The following ASAH2 variants were observed in gnomAD, a reference collection of about 807,000 sequenced individuals.
The protein encoded by ASAH2 is N-acylsphingosine amidohydrolase 2.
A neutral mutation model predicts 82.9 loss-of-function variants in ASAH2; 58 were observed. The observed-to-expected ratio is 0.70, with a 90% confidence interval of 0.57 to 0.87. The LOEUF (loss-of-function observed/expected upper bound fraction) is 0.87, where lower values mean the gene tolerates loss of function less well. Ranked by LOEUF, ASAH2 falls within the 40% of genes least tolerant of loss-of-function variation. The probability of loss-of-function intolerance (pLI) is 0.00; values close to 1 mark genes in which losing one functional copy is unlikely to be tolerated. For missense variants in ASAH2, 779 were observed against 834.0 expected (o/e 0.93, Z 0.81); for synonymous variants, 276 against 289.7 (o/e 0.95, Z 0.48).
chr10:50,238,910 C>G (rs895648547), intron 4 of ASAH2, among the ~76,000 whole-genome samples: 51,111 of 151,568 alleles, frequency 0.34, 10,488 homozygotes, highest in Non-Finnish European at 0.45. Flanking sequence ...GGACTTCTAG[C>G]GGGGAGAAAA....
intron 7 of ASAH2, among the ~76,000 whole-genome samples, chr10:50,227,630 A>G (rs1845923062): frequency 6.6e-6 from 1 of 152,166 alleles, no homozygotes; most frequent in Non-Finnish European, 1.5e-5. Context: ...ACTGAAAAAA[A>G]ACTTAGAAAA....
chr10:50,200,605 G>C (rs1209317897), intron 16 of ASAH2, among the ~76,000 whole-genome samples: 3 of 151,944 alleles, frequency 2.0e-5, no homozygotes, highest in Admixed American at 2.0e-4. Flanking sequence ...CCTTGTGCAT[G>C]CCTTTCATGG....
At chr10:50,214,952 C>T (rs1845556318) in intron 8 of ASAH2, 84 bp from the exon 9 acceptor site, 1 of 1,522,026 alleles carries the variant, frequency 6.6e-7, no homozygotes, top group Non-Finnish European at 9.0e-7. Flanking sequence ...ATTAAATCCA[C>T]TCTGGCAAAC....
chr10:50,223,207 T>G (rs1845792575), intron 7 of ASAH2, among the ~76,000 whole-genome samples: 2 of 150,970 alleles, frequency 1.3e-5, no homozygotes, highest in South Asian at 4.2e-4. Flanking sequence ...AACACTACAA[T>G]TTTTTTTTCC....
intron 17 of ASAH2, among the ~76,000 whole-genome samples, chr10:50,198,580 T>G (rs1845053743): frequency 6.6e-6 from 1 of 151,684 alleles, no homozygotes. Context: ...TTCCAAGATA[T>G]TATAATGTGG....
intron 4 of ASAH2, among the ~76,000 whole-genome samples, chr10:50,242,794 A>G (rs766125217): frequency 1.2e-4 from 19 of 152,320 alleles, no homozygotes; most frequent in Non-Finnish European, 2.5e-4. Context: ...TTGCGTTTTA[A>G]TTCGCATCCG....
In ASAH2 at chr10:50,211,120, A is replaced by G; in HGVS notation, c.1242T>C (p.Ser414=). The change falls in exon 11 of 21, where the codon TCT becomes TCC. Residue 414 remains serine (S), a synonymous_variant. Transcript: ENST00000682911. ...GTGGTCCTGTTACCTCCTGGGAGGC[A>G]GAGGCATAGAGTTCCTAGAAAACAC... The part of the protein sequence containing the change: ...MYQRAKELYA[S]ASQEVTGPLA... 1 of 1,612,866 alleles carries G rather than the reference A, an allele frequency of 6.2e-7. No individual in the cohort carries two copies. Among genetic ancestry groups the G allele is most frequent in the South Asian group, 1.1e-5 (1 of 91,052 alleles).
Position 50,235,121 on chromosome 10 carries a change from G to A in ASAH2, c.688-569C>T, listed in dbSNP as rs1325065378. Reference sequence around the variant, plus strand: ...ACTATATCTTACAATCTATTTTTTAGCATTTTTTATGTAATGTTTTTTGCA... The same window carrying A: ...ACTATATCTTACAATCTATTTTTTAACATTTTTTATGTAATGTTTTTTGCA... On this transcript the variant is annotated intron_variant, in intron 5 of 20. Transcript: ENST00000682911. 2.0e-5 allele frequency among the ~76,000 whole-genome samples: 3 copies of A among 152,066 alleles called. No homozygotes were observed. In the East Asian group the frequency reaches 5.8e-4, roughly 29 times the overall value.
chr10:50,200,660 C>T (rs1258894297), intron 16 of ASAH2, among the ~76,000 whole-genome samples: 1 of 152,030 alleles, frequency 6.6e-6, no homozygotes, highest in Non-Finnish European at 1.5e-5. Context: ...ACTAGACCCC[C>T]AGCTTCCAGT....
At chr10:50,241,454 T>C (rs1489202783) in intron 4 of ASAH2, among the ~76,000 whole-genome samples, 1 of 152,116 alleles carries the variant, frequency 6.6e-6, no homozygotes, top group Non-Finnish European at 1.5e-5. Flanking sequence ...AATTGTGACA[T>C]ATTTAGTTGT....
Position 50,243,354 on chromosome 10 carries a change from A to C in ASAH2, c.361-3T>G. The C allele has an allele frequency of 6.2e-7, 1 of 1,613,904 alleles. No homozygotes were observed. The highest frequency in any genetic ancestry group is 8.5e-7 in the Non-Finnish European group (1 of 1,179,846). On this transcript the variant is annotated splice_polypyrimidine_tract_variant and splice_region_variant and intron_variant, in intron 3 of 20. Coordinates refer to ENST00000682911, the MANE Select transcript of ASAH2 (RefSeq NM_019893.4). ...TGGCCGGATTTGCCATAGCCCATCTAAAGAGGAAGAGACAATCAGAGCTGC... is the reference window on the plus strand; with the variant it reads ...TGGCCGGATTTGCCATAGCCCATCTCAAGAGGAAGAGACAATCAGAGCTGC...
chr10:50,235,078 CCTGA>C (rs1206052646), intron 5 of ASAH2, among the ~76,000 whole-genome samples: 4 of 152,102 alleles, frequency 2.6e-5, no homozygotes, highest in African/African-American at 4.8e-5. Flanking sequence ...CAAACTATAC[CCTGA>C]CTGTGTGTCA....
At chr10:50,219,448 A>T (rs1263834192) in intron 7 of ASAH2, among the ~76,000 whole-genome samples, 4 of 152,218 alleles carry the variant, frequency 2.6e-5, no homozygotes, top group Non-Finnish European at 5.9e-5. Context: ...CACCGTGTCC[A>T]GTGGCCTTTG....
chr10:50,237,873 A>G (rs1358496370), intron 4 of ASAH2, among the ~76,000 whole-genome samples: 5 of 152,188 alleles, frequency 3.3e-5, no homozygotes, highest in African/African-American at 1.2e-4. Context: ...TGATGTAACT[A>G]TTAGGCATTG....
At chr10:50,197,546 C>A (rs1355855349) in intron 17 of ASAH2, among the ~76,000 whole-genome samples, 2 of 151,924 alleles carry the variant, frequency 1.3e-5, no homozygotes, top group Non-Finnish European at 2.9e-5. Context: ...TTTGCCATTA[C>A]TTTCAATGAA....
intron 8 of ASAH2, among the ~76,000 whole-genome samples, chr10:50,217,883 G>A (rs1845646972): frequency 6.6e-6 from 1 of 152,106 alleles, no homozygotes; most frequent in Admixed American, 6.6e-5. Flanking sequence ...ATAACATTTT[G>A]GGAGGCCGAG....
intron 1 of ASAH2, among the ~76,000 whole-genome samples, 141 bp from the exon 2 acceptor site, chr10:50,248,787 C>T (rs543365358): frequency 1.3e-5 from 2 of 152,338 alleles, no homozygotes; most frequent in East Asian, 1.9e-4. Flanking sequence ...AGACCAAGCC[C>T]ATGGCAGACA....
intron 15 of ASAH2, 52 bp from the exon 16 acceptor site, chr10:50,202,976 T>C (rs1331773396): frequency 1.6e-5 from 18 of 1,156,920 alleles, no homozygotes; most frequent in Non-Finnish European, 2.2e-5. Flanking sequence ...TTTACGTATA[T>C]TTTCATTCTG....
At position 50,218,949 on chromosome 10, in the gene ASAH2, G is replaced by T. The variant is rs1365936130; in HGVS notation, c.894-319C>A. Among the ~76,000 whole-genome samples, 8 of 152,250 alleles carry T rather than the reference G, an allele frequency of 5.3e-5. No homozygotes were observed. The East Asian group carries it at 9.7e-4, about 18-fold the overall frequency. The stretch of plus-strand genomic sequence containing the variant: ...TATATACATGGACTTTGTCCTTCAA[G>T]ATAGGCACACAGGTAGTAATTATTC... On this transcript the variant is annotated intron_variant, in intron 7 of 20. Coordinates refer to ENST00000682911, the MANE Select transcript of ASAH2 (RefSeq NM_019893.4).
Sources: allele counts gnomAD v4.1 joint callset (sites outside exome capture counted in the v4.1 genomes callset), GRCh38; gene constraint gnomAD v4.1.1; transcripts MANE v1.5; gene names NCBI Gene and HGNC (gene_info 2026-07-23, HGNC 2026-07-21).